Variants in FMO3 observed in about 807,000 individuals in gnomAD.
FMO3 encodes the protein flavin containing dimethylaniline monoxygenase 3, also known as flavin-containing monooxygenase 3.
In FMO3, 40 loss-of-function variants were observed where a neutral mutation model predicts 39.4. That is an observed-to-expected ratio of 1.02 (90% confidence interval 0.79 to 1.32). FMO3 has a LOEUF of 1.32. Ranked by LOEUF, FMO3 falls within the 40% of genes most tolerant of loss-of-function variation. The pLI is 0.00. For synonymous variants in FMO3, 219 were observed against 228.8 expected (o/e 0.96, Z 0.39); for missense variants, 680 against 651.8 (o/e 1.04, Z -0.47).
At chr1:171,098,574 T>G (rs1047888097) in intron 2 of FMO3, among the ~76,000 whole-genome samples, 2 of 152,214 alleles carry the variant, frequency 1.3e-5, no homozygotes, top group Non-Finnish European at 2.9e-5. Context: ...AGTTCACTCA[T>G]GATTTGGCTC....
At chr1:171,116,099 A>G in intron 7 of FMO3, 109 bp from the exon 8 acceptor site, 1 of 732,782 alleles carries the variant, frequency 1.4e-6, no homozygotes, top group South Asian at 1.5e-5. Context: ...TCTGTCTGAA[A>G]ATGAACACCA....
At chr1:171,101,458 A>G (rs1655389015) in intron 2 of FMO3, among the ~76,000 whole-genome samples, 1 of 152,222 alleles carries the variant, frequency 6.6e-6, no homozygotes, top group Non-Finnish European at 1.5e-5. Flanking sequence ...TAGGCTTAGT[A>G]TTCACATTAT....
intron 5 of FMO3, 59 bp from the exon 6 acceptor site, chr1:171,110,739 C>T: frequency 6.6e-7 from 1 of 1,504,326 alleles, no homozygotes. Flanking sequence ...CTGGGGTGCT[C>T]ACCAGAATAT....
intron 2 of FMO3, 51 bp downstream of exon 2, chr1:171,092,841 A>T: frequency 6.3e-7 from 1 of 1,599,292 alleles, no homozygotes; most frequent in Non-Finnish European, 8.6e-7. Context: ...GGAAGTGTAT[A>T]AGAGCACACT....
chr1:171,096,408 T>TTA (rs573075021), intron 2 of FMO3, among the ~76,000 whole-genome samples: 4 of 101,692 alleles, frequency 3.9e-5, no homozygotes, highest in East Asian at 3.1e-4. Flanking sequence ...TACATATATA[T>TTA]TATATATGTT....
At chr1:171,114,408 G>A (rs1276785240) in intron 7 of FMO3, 46 bp downstream of exon 7, 1 of 1,346,400 alleles carries the variant, frequency 7.4e-7, no homozygotes, top group Non-Finnish European at 1.1e-6. Context: ...GAATGCCAGT[G>A]ACAATAACTT....
rs1655738348 is a variant in FMO3 at position 171,108,192 on chromosome 1, G to A, written c.598G>A (p.Ala200Thr). 5 of 1,613,768 alleles carry A rather than the reference G, an allele frequency of 3.1e-6. No homozygotes were observed. Among genetic ancestry groups the A allele is most frequent in the Non-Finnish European group, 4.2e-6 (5 of 1,179,884 alleles). ...VGLGNSGCDI[A>T]TELSRTAEQV... is the part of the protein sequence containing the mutation. ...CCTGGGGAATTCGGGCTGTGATATT[G>A]CCACAGAACTCAGCCGCACAGCAGA... Residue 200 changes from alanine to threonine, a missense_variant, in exon 5 of 9, where the codon GCC becomes ACC. Transcript: ENST00000367755.
chr1:171,107,002 A>G (rs779680033), intron 3 of FMO3, among the ~76,000 whole-genome samples: 1 of 152,198 alleles, frequency 6.6e-6, no homozygotes, highest in Non-Finnish European at 1.5e-5. Context: ...ATTTTCTTAT[A>G]TGTATGAAAT....
Position 171,117,111 on chromosome 1 carries a change from G to A in FMO3, c.1268G>A (p.Ser423Asn), listed in dbSNP as rs762744585. ...TCTCCCATCTCCAGGTTTGGCAAAA[G>A]CGAGACCATACAGACAGATTACATT... ...MEKKRKWFGK[S>N]ETIQTDYIVY... The change falls in exon 9 of 9, where the codon AGC (serine) becomes AAC (asparagine). Residue 423 changes from serine (S) to asparagine (N), a missense_variant. Ser to Asn is a conservative substitution (Grantham distance 46). Coordinates refer to ENST00000367755, the MANE Select transcript of FMO3 (RefSeq NM_001002294.3). 2 of 1,614,076 alleles carry A rather than the reference G, an allele frequency of 1.2e-6. No homozygotes were observed. The highest frequency in any genetic ancestry group is 8.5e-7 in the Non-Finnish European group (1 of 1,179,930).
intron 2 of FMO3, among the ~76,000 whole-genome samples, chr1:171,096,184 TTAA>T (rs1557933667): frequency 2.0e-5 from 1 of 50,684 alleles, no homozygotes. Context: ...ATATAATATA[TTAA>T]TATATATTTA....
At chr1:171,106,815 C>A (rs761734126) in intron 3 of FMO3, among the ~76,000 whole-genome samples, 40 of 152,000 alleles carry the variant, frequency 2.6e-4, no homozygotes, top group Non-Finnish European at 5.7e-4. Context: ...TTTCTGTAAA[C>A]CAGCAGCAAA....
At position 171,108,252 on chromosome 1, in the gene FMO3, C is replaced by A. The variant is rs79952472; in HGVS notation, c.627+31C>A. 1,701 of 1,612,150 alleles carry A rather than the reference C, an allele frequency of 1.1e-3. 14 individuals carry two copies. The African/African-American group carries it at 0.02, about 19-fold the overall frequency. On this transcript the variant is annotated intron_variant, in intron 5 of 8. Transcript: ENST00000367755. ...ACTCCCCGGGTACTCGGGTGACTCT[C>A]GTTACTGACAGAAGAGTTATTATCG...
intron 3 of FMO3, among the ~76,000 whole-genome samples, chr1:171,104,769 G>C (rs1006795282): frequency 6.6e-5 from 10 of 152,246 alleles, no homozygotes; most frequent in Admixed American, 3.3e-4. Context: ...AGCTACTAGG[G>C]AGGTTGAGGT....
At chr1:171,093,660 AT>A (rs572189663) in intron 2 of FMO3, among the ~76,000 whole-genome samples, 3 of 151,524 alleles carry the variant, frequency 2.0e-5, no homozygotes, top group Non-Finnish European at 4.4e-5. Flanking sequence ...GGGTGCAGGA[AT>A]TTTTTTTATA....
intron 2 of FMO3, among the ~76,000 whole-genome samples, chr1:171,096,030 A>AAATATATTATATAT (rs1557932978): frequency 6.7e-5 from 4 of 60,006 alleles, no homozygotes; most frequent in African/African-American, 3.1e-4. Context: ...ATATTAATAT[A>AAATATATTATATAT]TAATATATAT....
At chr1:171,095,977 TAG>T (rs1654966157) in intron 2 of FMO3, among the ~76,000 whole-genome samples, 2 of 75,468 alleles carry the variant, frequency 2.7e-5, no homozygotes, top group African/African-American at 1.1e-4. Flanking sequence ...TATAATTATA[TAG>T]ATATATTTTA....
In FMO3 at chr1:171,114,358, A is replaced by G; in HGVS notation, c.1179A>G (p.Ile393Met). 1 of 1,609,854 alleles carries G rather than the reference A, an allele frequency of 6.2e-7. No homozygotes were observed. ...DLQSRWAAQV[I>M]KGTCTLPSME... ...AGTCCCGCTGGGCAGCACAAGTAAT[A>G]AAGGGTAAGTCAATAAAGAGGCTCA... Residue 393 changes from isoleucine (I) to methionine (M), a missense_variant, in exon 7 of 9, where the codon ATA becomes ATG. Coordinates refer to ENST00000367755, the MANE Select transcript of FMO3 (RefSeq NM_001002294.3).
At position 171,114,324 on chromosome 1, in the gene FMO3, T is replaced by C. The variant is rs201860024; in HGVS notation, c.1145T>C (p.Val382Ala). The C allele has an allele frequency of 2.5e-6, 4 of 1,613,798 alleles. No individual in the cohort carries two copies. Among genetic ancestry groups the C allele is most frequent in the Non-Finnish European group, 2.5e-6 (3 of 1,179,924 alleles). The change falls in exon 7 of 9, where the codon GTT becomes GCT. Residue 382 changes from valine (V) to alanine (A), a missense_variant. Physicochemically the swap from Val to Ala is moderately conservative, Grantham distance 64. Transcript: ENST00000367755. The part of the protein sequence containing the change: ...VQSLGAAIPT[V>A]DLQSRWAAQV... ...TCCCTTGGGGCTGCCATTCCCACAG[T>C]TGACCTCCAGTCCCGCTGGGCAGCA... is the stretch of plus-strand genomic sequence containing the variant.
At chr1:171,116,157 G>A in intron 7 of FMO3, 51 bp from the exon 8 acceptor site, 1 of 1,095,626 alleles carries the variant, frequency 9.1e-7, no homozygotes, top group South Asian at 1.3e-5. Flanking sequence ...ATTACAGGCT[G>A]GTCCTATGCC....
Sources: allele counts gnomAD v4.1 joint callset (sites outside exome capture counted in the v4.1 genomes callset), GRCh38; gene constraint gnomAD v4.1.1; transcripts MANE v1.5; gene names NCBI Gene and HGNC (gene_info 2026-07-23, HGNC 2026-07-21).